PCDHGA8: variants seen among roughly 807,000 people sequenced by gnomAD.
PCDHGA8 encodes protocadherin gamma-A8.
A neutral mutation model predicts 59.2 loss-of-function variants in PCDHGA8; 45 were observed. The observed-to-expected ratio is 0.76, with a 90% CI of 0.60 to 0.98. The LOEUF is 0.98. Ranked by LOEUF, PCDHGA8 falls within the 50% of genes least tolerant of loss-of-function variation. The pLI is 0.00. For synonymous variants in PCDHGA8, 531 were observed against 519.0 expected (o/e 1.02, Z -0.32); for missense variants, 1,257 against 1,196.2 (o/e 1.05, Z -0.75).
chr5:141,458,421 G>T (rs1294502132), intron 1 of PCDHGA8, among the ~76,000 whole-genome samples: 1 of 152,114 alleles, frequency 6.6e-6, no homozygotes, highest in African/African-American at 2.4e-5. Context: ...GGGTTCCAAA[G>T]CTGAAAGAGG....
intron 1 of PCDHGA8, among the ~76,000 whole-genome samples, chr5:141,481,913 CAAAAAAAAA>C (rs34114744): frequency 1.1e-5 from 1 of 90,852 alleles, no homozygotes; most frequent in Non-Finnish European, 2.2e-5. Flanking sequence ...AACTCCATCT[CAAAAAAAAA>C]AAAAAAAAAA....
intron 1 of PCDHGA8, among the ~76,000 whole-genome samples, chr5:141,397,274 G>A (rs565956732): frequency 6.6e-6 from 1 of 152,188 alleles, no homozygotes; most frequent in East Asian, 1.9e-4. Flanking sequence ...TACATCATAT[G>A]GGCAGTATAC....
rs11575958 is a variant in PCDHGA8, at chr5:141,393,374, T to A, written c.561T>A (p.Asn187Lys). Residue 187 changes from asparagine (N) to lysine (K), a missense_variant, in exon 1 of 4, where the codon AAT becomes AAA. Transcript: ENST00000398604. The part of the protein sequence containing the change: ...HFSLDVQTGD[N>K]GAINPELVLE... ...CCCTGGACGTGCAGACTGGAGACAA[T>A]GGAGCCATAAACCCAGAGCTGGTGC... 1 of 1,613,626 alleles carries A rather than the reference T, an allele frequency of 6.2e-7. No homozygotes were observed. The highest frequency in any genetic ancestry group is 1.7e-5 in the Admixed American group (1 of 59,994).
At position 141,487,547 on chromosome 5, in the gene PCDHGA8, A is replaced by G. The variant is rs2099649592; in HGVS notation, c.2425-7260A>G. On this transcript the variant is annotated intron_variant, in intron 1 of 3. Coordinates refer to ENST00000398604, the MANE Select transcript of PCDHGA8 (RefSeq NM_032088.2). The surrounding 1 kb of genome is among the most constrained non-coding windows in gnomAD (Gnocchi z 5.0). ...TAGCTTCATGATGGTGAAGTCACCC[A>G]GTGCACCTATGGCAGGGGAGCCTGT... 2 of 1,614,216 alleles carry G rather than the reference A, an allele frequency of 1.2e-6. No individual in the cohort carries two copies. Among genetic ancestry groups the G allele is most frequent in the Non-Finnish European group, 8.5e-7 (1 of 1,180,046 alleles).
intron 1 of PCDHGA8, chr5:141,403,207 C>G: frequency 6.2e-7 from 1 of 1,613,966 alleles, no homozygotes. Context: ...GCACCTTGGT[C>G]ACCGCGGGTA....
chr5:141,432,753 C>G lies in PCDHGA8; in HGVS notation c.2424+37516C>G. ...ACTGTCACGCTCACCGTGGCCGTGGCCGACAGCATCCCCCAAGTCCTGGCG... is the reference window on the plus strand; with the variant it reads ...ACTGTCACGCTCACCGTGGCCGTGGGCGACAGCATCCCCCAAGTCCTGGCG... On this transcript the variant is annotated intron_variant, in intron 1 of 3. Coordinates refer to ENST00000398604, the MANE Select transcript of PCDHGA8 (RefSeq NM_032088.2). The surrounding 1 kb of genome is among the most constrained non-coding windows in gnomAD (Gnocchi z 6.0). 1 of 1,614,138 alleles carries G rather than the reference C, an allele frequency of 6.2e-7. No individual in the cohort carries two copies. The highest frequency in any genetic ancestry group is 8.5e-7 in the Non-Finnish European group (1 of 1,179,996).
chr5:141,413,139 C>A, intron 1 of PCDHGA8: 1 of 1,553,028 alleles, frequency 6.4e-7, no homozygotes. Context: ...ACAACGTGTC[C>A]AGTGAGGACT....
chr5:141,492,395 C>G (rs2099740183), intron 1 of PCDHGA8, among the ~76,000 whole-genome samples: 1 of 152,242 alleles, frequency 6.6e-6, no homozygotes, highest in African/African-American at 2.4e-5. Flanking sequence ...GGTCCACTCG[C>G]AGCTCCCCTC....
rs200411745 is a variant in PCDHGA8, at chr5:141,490,281, C to T, written c.2425-4526C>T. The T allele has an allele frequency of 1.2e-6, 2 of 1,614,070 alleles. No homozygotes were observed. The highest frequency in any genetic ancestry group is 1.3e-5 in the African/African-American group (1 of 74,924). On this transcript the variant is annotated intron_variant, in intron 1 of 3. Transcript: ENST00000398604. This position sits in a 1 kb window ranked among gnomAD's most constrained non-coding sequence, Gnocchi z 5.4. The stretch of plus-strand genomic sequence containing the variant: ...ATGTGGGGGATGTCAATGACAATGC[C>T]CCAGAGGTGCTATTGGCCTCTTTGG...
Position 141,491,935 on chromosome 5 carries a change from C to A in PCDHGA8, c.2425-2872C>A. 1 of 1,205,518 alleles carries A rather than the reference C, an allele frequency of 8.3e-7. No homozygotes were observed. Among genetic ancestry groups the A allele is most frequent in the South Asian group, 1.7e-5 (1 of 59,176 alleles). 74.7% of individuals were successfully genotyped at this position (1,205,518 alleles called of 1,614,324 possible). On this transcript the variant is annotated intron_variant, in intron 1 of 3. Transcript: ENST00000398604. The surrounding 1 kb of genome is among the most constrained non-coding windows in gnomAD (Gnocchi z 6.9). ...GACTGTGGGCGAGGGGAGGTGGGACCGACCCCCACCCCTACACTCAAAAAA... is the reference window on the plus strand; with the variant it reads ...GACTGTGGGCGAGGGGAGGTGGGACAGACCCCCACCCCTACACTCAAAAAA...
Position 141,394,255 on chromosome 5 carries a change from G to A in PCDHGA8, c.1442G>A (p.Ser481Asn), listed in dbSNP as rs1321065161. 1 of 1,613,934 alleles carries A rather than the reference G, an allele frequency of 6.2e-7. No homozygotes were observed. Among genetic ancestry groups the A allele is most frequent in the South Asian group, 1.1e-5 (1 of 91,074 alleles). The change falls in exon 1 of 4, where the codon AGC (serine) becomes AAC (asparagine). Residue 481 changes from serine (S) to asparagine (N), a missense_variant. Coordinates refer to ENST00000398604, the MANE Select transcript of PCDHGA8 (RefSeq NM_032088.2). ...IFSLTAHDPD[S>N]QENAQVTYSV... ...TCCTTGACTGCACACGACCCCGACAGCCAGGAGAATGCCCAGGTCACTTAC... is the reference window on the plus strand; with the variant it reads ...TCCTTGACTGCACACGACCCCGACAACCAGGAGAATGCCCAGGTCACTTAC...
At chr5:141,439,524 A>T (rs774174912) in intron 1 of PCDHGA8, among the ~76,000 whole-genome samples, 2 of 152,114 alleles carry the variant, frequency 1.3e-5, no homozygotes, top group Admixed American at 6.5e-5. Flanking sequence ...AACTAACTCT[A>T]CAGAACGCTG....
intron 1 of PCDHGA8, among the ~76,000 whole-genome samples, chr5:141,449,056 G>A (rs149442150): frequency 6.6e-6 from 1 of 152,068 alleles, no homozygotes; most frequent in African/African-American, 2.4e-5. Flanking sequence ...TCATAAATGA[G>A]CGCTATTGAA....
In PCDHGA8 at chr5:141,476,065, G is replaced by T; in HGVS notation, c.2425-18742G>T. ...GCTAACCCGCTGAAAGTTTCTCAGC[G>T]AAATCTCAGGGACGATCTGGACCCC... is the stretch of plus-strand genomic sequence containing the variant. On this transcript the variant is annotated intron_variant, in intron 1 of 3. Coordinates refer to ENST00000398604, the MANE Select transcript of PCDHGA8 (RefSeq NM_032088.2). This position sits in a 1 kb window ranked among gnomAD's most constrained non-coding sequence, Gnocchi z 7.6. 6.6e-7 allele frequency: 1 copy of T among 1,511,444 alleles called. No homozygotes were observed. The highest frequency in any genetic ancestry group is 1.3e-5 in the South Asian group (1 of 76,164). The allele number at this position is 1,511,444 out of a possible 1,614,324, so 93.6% of individuals were successfully genotyped here.
At position 141,431,035 on chromosome 5, in the gene PCDHGA8, G is replaced by C; in HGVS notation, c.2424+35798G>C. The C allele has an allele frequency of 6.2e-7, 1 of 1,614,186 alleles. No individual in the cohort carries two copies. Among genetic ancestry groups the C allele is most frequent in the South Asian group, 1.1e-5 (1 of 91,086 alleles). ...TGGTCACGGCGGGCAGGATAGACCG[G>C]GAGGAGCTCTGTATGGGGGCCATCA... On this transcript the variant is annotated intron_variant, in intron 1 of 3. Transcript: ENST00000398604. The surrounding 1 kb of genome is among the most constrained non-coding windows in gnomAD (Gnocchi z 4.8).
At position 141,431,968 on chromosome 5, in the gene PCDHGA8, T is replaced by A. The variant is rs571981127; in HGVS notation, c.2424+36731T>A. On this transcript the variant is annotated intron_variant, in intron 1 of 3. Coordinates refer to ENST00000398604, the MANE Select transcript of PCDHGA8 (RefSeq NM_032088.2). The surrounding 1 kb of genome is among the most constrained non-coding windows in gnomAD (Gnocchi z 4.8). Reference sequence around the variant, plus strand: ...AAAAATCTTACGGAAATTACTATAGTTTAGTCACAGACATAGTCTTGGATA... The same window carrying A: ...AAAAATCTTACGGAAATTACTATAGATTAGTCACAGACATAGTCTTGGATA... 1.9e-6 allele frequency: 3 copies of A among 1,614,072 alleles called. No individual in the cohort carries two copies. Among genetic ancestry groups the A allele is most frequent in the Non-Finnish European group, 2.5e-6 (3 of 1,180,014 alleles).
chr5:141,395,273 A>G, intron 1 of PCDHGA8, 36 bp downstream of exon 1: 1 of 1,543,700 alleles, frequency 6.5e-7, no homozygotes, highest in Non-Finnish European at 8.7e-7. Context: ...TAATTTCCAG[A>G]TGAATTTTAT....
intron 1 of PCDHGA8, among the ~76,000 whole-genome samples, chr5:141,455,576 G>T (rs752051075): frequency 1.3e-5 from 2 of 152,154 alleles, no homozygotes; most frequent in Non-Finnish European, 2.9e-5. Flanking sequence ...TCCCACCCCA[G>T]CCTTTTAATA....
intron 1 of PCDHGA8, among the ~76,000 whole-genome samples, chr5:141,424,964 A>G (rs62378457): frequency 0.11 from 16,148 of 152,126 alleles, 960 homozygotes; most frequent in African/African-American, 0.17. Flanking sequence ...ATTTGCCCCA[A>G]ATTACTTGGA....
Sources: gnomAD v4.1 joint callset for allele counts (sites outside exome capture counted in the v4.1 genomes callset) on GRCh38, gnomAD v4.1.1 for gene constraint, Gnocchi (gnomAD v3.1) non-coding constraint, MANE v1.5 for transcripts, NCBI Gene and HGNC (gene_info 2026-07-23, HGNC 2026-07-21) for gene names.